Variants in SLC2A5 observed in about 807,000 individuals in gnomAD.
SLC2A5 encodes the protein solute carrier family 2, facilitated glucose transporter member 5.
In SLC2A5, 56 loss-of-function variants were observed where a neutral mutation model predicts 50.3. The ratio of observed to expected loss-of-function variants is 1.11; its 90% CI spans 0.90 to 1.39. The LOEUF (loss-of-function observed/expected upper bound fraction) is 1.39, where lower values mean the gene tolerates loss of function less well. Ranked by LOEUF, SLC2A5 falls within the 40% of genes most tolerant of loss-of-function variation. The probability of loss-of-function intolerance (pLI) is 0.00; values close to 1 mark genes in which losing one functional copy is unlikely to be tolerated. For synonymous variants in SLC2A5, 269 were observed against 281.9 expected, an observed-to-expected ratio of 0.95 and a Z score of 0.46; for missense variants, 566 against 650.1, an observed-to-expected ratio of 0.87 and a Z score of 1.41.
intron 1 of SLC2A5, among the ~76,000 whole-genome samples, chr1:9,061,439 C>T (rs2986630): frequency 0.46 from 56,177 of 121,164 alleles, 12,799 homozygotes; most frequent in African/African-American, 0.59. Flanking sequence ...CCTGTCTCTA[C>T]CAAAAAAATT....
chr1:9,059,179 G>T (rs1346847157), intron 1 of SLC2A5, among the ~76,000 whole-genome samples: 1 of 92,460 alleles, frequency 1.1e-5, no homozygotes, highest in Non-Finnish European at 1.9e-5. Flanking sequence ...GTCTTGCTCT[G>T]TCACCCAGGC....
At position 9,037,348 on chromosome 1, in the gene SLC2A5, G is replaced by A. The variant is rs533727137; in HGVS notation, c.*238C>T. 9.6e-5 allele frequency: 48 copies of A among 501,040 alleles called. No homozygotes were observed. Among genetic ancestry groups the A allele is most frequent in the Middle Eastern group, 1.1e-3 (2 of 1,832 alleles). The allele number at this position is 501,040 out of a possible 1,614,324, so 31.0% of individuals were successfully genotyped here. On this transcript the variant is annotated 3_prime_UTR_variant, in exon 12 of 12. Coordinates refer to ENST00000377424, the MANE Select transcript of SLC2A5 (RefSeq NM_003039.3). Reference sequence around the variant, plus strand: ...GCTGAACCAGCAAAGTGGAGGACCAGCTGTTTAATTGACTCGGGTCTGGTG... The same window carrying A: ...GCTGAACCAGCAAAGTGGAGGACCAACTGTTTAATTGACTCGGGTCTGGTG...
chr1:9,092,863 G>A (rs1404564198), upstream of SLC2A5, among the ~76,000 whole-genome samples: 2 of 151,954 alleles, frequency 1.3e-5, no homozygotes, highest in Non-Finnish European at 2.9e-5. Context: ...GAAAATGAAC[G>A]GCATTTTAAA....
chr1:9,059,985 TAC>T (rs35876125), intron 1 of SLC2A5, among the ~76,000 whole-genome samples: 10,013 of 141,348 alleles, frequency 0.071, 368 homozygotes, highest in African/African-American at 0.11. Context: ...AAAAACATAC[TAC>T]ACACACACAC....
chr1:9,067,961 G>A (rs190366081), intron 1 of SLC2A5, among the ~76,000 whole-genome samples: 9 of 152,130 alleles, frequency 5.9e-5, no homozygotes, highest in East Asian at 5.8e-4. Flanking sequence ...AGGCCGAGGC[G>A]GGCGGATCAC....
chr1:9,089,373 GAGA>G (rs1023558636), upstream of SLC2A5, among the ~76,000 whole-genome samples: 9 of 152,136 alleles, frequency 5.9e-5, no homozygotes, highest in Non-Finnish European at 1.0e-4. Flanking sequence ...CCAGAATCTA[GAGA>G]AGGTCAAACT....
rs1641673437 is a variant in SLC2A5 at position 9,053,489 on chromosome 1, TTATATATA to T, written c.293+3951_293+3958del. ...ATATATATTTATATATATTATATAT[TTATATATA>T]ATATATATTATATATTTTATCTATA... On this transcript the variant is annotated intron_variant, in intron 3 of 11. Coordinates refer to ENST00000377424, the MANE Select transcript of SLC2A5 (RefSeq NM_003039.3). Among the ~76,000 whole-genome samples the T allele has an allele frequency of 2.5e-3, 205 of 82,814 alleles. 47 individuals are homozygous for T. Among genetic ancestry groups the T allele is most frequent in the East Asian group, 0.013 (40 of 3,166 alleles). 54.3% of individuals were successfully genotyped at this position (82,814 alleles called of 152,430 possible).
At chr1:9,083,628 G>A (rs1216619957) in intron 2 of SLC2A5, among the ~76,000 whole-genome samples, 1 of 151,598 alleles carries the variant, frequency 6.6e-6, no homozygotes. Context: ...TTCAAGACCG[G>A]CCTGGCCAAA....
At chr1:9,067,657 G>C (rs909927769) in intron 1 of SLC2A5, among the ~76,000 whole-genome samples, 4 of 152,300 alleles carry the variant, frequency 2.6e-5, no homozygotes, top group Middle Eastern at 6.8e-3. Context: ...AAGCGAAGGG[G>C]CTGAGTAGAC....
chr1:9,065,901 G>A (rs1642067516), intron 1 of SLC2A5, among the ~76,000 whole-genome samples: 1 of 152,062 alleles, frequency 6.6e-6, no homozygotes, highest in Non-Finnish European at 1.5e-5. Flanking sequence ...CCGTGATTGT[G>A]CCACTGTACT....
chr1:9,072,851 A>G (rs1036201792), upstream of SLC2A5, among the ~76,000 whole-genome samples: 1 of 151,522 alleles, frequency 6.6e-6, no homozygotes, highest in Non-Finnish European at 1.5e-5. Flanking sequence ...AATTCCAACT[A>G]CTTGGGAGGC....
chr1:9,087,972 G>T (rs149844059), intron 1 of SLC2A5, among the ~76,000 whole-genome samples: 2 of 152,234 alleles, frequency 1.3e-5, no homozygotes, highest in African/African-American at 4.8e-5. Flanking sequence ...TTACAACACA[G>T]CCTGGCCCCA....
intron 1 of SLC2A5, among the ~76,000 whole-genome samples, chr1:9,063,987 G>A (rs577354843): frequency 7.7e-6 from 1 of 130,364 alleles, no homozygotes; most frequent in African/African-American, 3.4e-5. Context: ...GAGCCACCGC[G>A]CCCGGCCTAT....
At chr1:9,042,422 T>C (rs1407453955) in intron 4 of SLC2A5, among the ~76,000 whole-genome samples, 5 of 152,062 alleles carry the variant, frequency 3.3e-5, no homozygotes, top group East Asian at 1.9e-4. Context: ...TGTGTGTGTG[T>C]GTGCGCGCGC....
Position 9,037,684 on chromosome 1 carries a change from CTA to C in SLC2A5, c.1406_1407del (p.Ile469ArgfsTer11). The C allele has an allele frequency of 6.2e-7, 1 of 1,614,186 alleles. No individual in the cohort carries two copies. Among genetic ancestry groups the C allele is most frequent in the Non-Finnish European group, 8.5e-7 (1 of 1,180,040 alleles). On this transcript the variant is annotated frameshift_variant, in exon 12 of 12. Transcript: ENST00000377424. LOFTEE classifies it low-confidence loss of function (END_TRUNC). ...ATCTTGGTGAAAATCTGGTTGATCT[CTA>C]TGAACGTCTTGGCCTTGGTCTCCGG... ...IVPETKAKTF[I>X]EINQIFTKMN... is the part of the protein sequence containing the mutation.
At chr1:9,089,986 A>G (rs1349923852), upstream of SLC2A5, among the ~76,000 whole-genome samples, 1 of 152,136 alleles carries the variant, frequency 6.6e-6, no homozygotes, top group Admixed American at 6.5e-5. Context: ...TATCAGTATT[A>G]ACTGAATATG....
chr1:9,058,238 C>T lies in SLC2A5; in HGVS notation c.46G>A (p.Val16Met), dbSNP rs140975513. Reference sequence around the variant, plus strand: ...GCTATCAGGGTTGCCAGGGCAAGCACAAGCGTCAGCCTCTGCAGAGATCAC... The same window carrying T: ...GCTATCAGGGTTGCCAGGGCAAGCATAAGCGTCAGCCTCTGCAGAGATCAC... ...QSMKEGRLTL[V>M]LALATLIAAF... Residue 16 changes from valine to methionine, a missense_variant, in exon 2 of 12, where the codon GTG (valine) becomes ATG (methionine). Coordinates refer to ENST00000377424, the MANE Select transcript of SLC2A5 (RefSeq NM_003039.3). 1.4e-3 allele frequency: 2,252 copies of T among 1,613,746 alleles called. 2 individuals carry two copies. Among genetic ancestry groups the T allele is most frequent in the Non-Finnish European group, 1.8e-3 (2,070 of 1,179,738 alleles).
chr1:9,069,374 C>T, intron 1 of SLC2A5, 130 bp downstream of exon 1: 1 of 922,898 alleles, frequency 1.1e-6, no homozygotes, highest in South Asian at 1.5e-5. Flanking sequence ...CCCCTCTCCC[C>T]ACCATAATCC....
intron 1 of SLC2A5, among the ~76,000 whole-genome samples, chr1:9,085,958 T>G (rs1052523268): frequency 6.6e-6 from 1 of 152,210 alleles, no homozygotes; most frequent in African/African-American, 2.4e-5. Flanking sequence ...AAGAAATTGC[T>G]GGAAATGCTT....
Sources: gnomAD v4.1 joint callset for allele counts (sites outside exome capture counted in the v4.1 genomes callset) on GRCh38, gnomAD v4.1.1 for gene constraint, MANE v1.5 for transcripts, NCBI Gene and HGNC (gene_info 2026-07-23, HGNC 2026-07-21) for gene names.